The following PPIL6 variants were observed in gnomAD, a reference collection of about 807,000 sequenced individuals.
PPIL6 encodes peptidylprolyl isomerase like 6, also known as probable inactive peptidyl-prolyl cis-trans isomerase-like 6.
A neutral mutation model predicts 36.8 loss-of-function variants in PPIL6; 39 were observed. That is an observed-to-expected ratio of 1.06 (90% CI 0.82 to 1.38). The LOEUF is 1.38. PPIL6 is among the 40% of genes most tolerant of loss of function. The pLI is 0.00. For synonymous variants in PPIL6, 123 were observed against 134.1 expected (o/e 0.92, Z 0.57); for missense variants, 368 against 379.1 (o/e 0.97, Z 0.24).
intron 6 of PPIL6, among the ~76,000 whole-genome samples, chr6:109,401,530 C>G (rs1253539212): frequency 1.3e-5 from 2 of 152,116 alleles, no homozygotes; most frequent in African/African-American, 4.8e-5. Context: ...TAGTTACTTT[C>G]AGCCTGGTAA....
intron 7 of PPIL6, among the ~76,000 whole-genome samples, chr6:109,395,394 G>A (rs927162850): frequency 2.0e-5 from 3 of 150,862 alleles, no homozygotes; most frequent in South Asian, 2.1e-4. Flanking sequence ...GTGACAGAGT[G>A]AGACCCTGTC....
intron 2 of PPIL6, among the ~76,000 whole-genome samples, chr6:109,435,718 A>G (rs1774407675): frequency 6.6e-6 from 1 of 152,150 alleles, no homozygotes; most frequent in African/African-American, 2.4e-5. Context: ...TGAGCTCAGG[A>G]GTTTGAGACT....
At chr6:109,399,540 T>TTTA in intron 7 of PPIL6, among the ~76,000 whole-genome samples, 1 of 152,208 alleles carries the variant, frequency 6.6e-6, no homozygotes, top group East Asian at 1.9e-4. Context: ...GTGGCTGGAA[T>TTTA]TACAGGCACA....
rs769257444 is a variant in PPIL6, at chr6:109,400,163, G to T, written c.696C>A (p.Asn232Lys). 5 of 1,610,596 alleles carry T rather than the reference G, an allele frequency of 3.1e-6. No individual in the cohort carries two copies. The highest frequency in any genetic ancestry group is 4.2e-6 in the Non-Finnish European group (5 of 1,177,828). Residue 232 changes from asparagine (N) to lysine (K), a missense_variant, in exon 7 of 8, where the codon AAC (asparagine) becomes AAA (lysine). Coordinates refer to ENST00000521072, the MANE Select transcript of PPIL6 (RefSeq NM_173672.5). ...SIYGPTFEDENFSVPHNKRGV... is the reference protein window; with the variant it reads ...SIYGPTFEDEKFSVPHNKRGV... ...CTCTTTTATTATGAGGAACTGAAAA[G>T]TTTTCATCTAGGAAAGACAATAATC...
At chr6:109,438,103 G>A (rs1190021483) in intron 1 of PPIL6, among the ~76,000 whole-genome samples, 1 of 151,852 alleles carries the variant, frequency 6.6e-6, no homozygotes, top group African/African-American at 2.4e-5. Context: ...TATTTATGGG[G>A]TAGTGATGTC....
chr6:109,426,184 T>C (rs1237519868), intron 5 of PPIL6, among the ~76,000 whole-genome samples: 4 of 152,192 alleles, frequency 2.6e-5, no homozygotes, highest in Non-Finnish European at 2.9e-5. Context: ...CCAGATCATA[T>C]AAAAAATGGT....
At chr6:109,410,026 G>A (rs754786620) in intron 6 of PPIL6, among the ~76,000 whole-genome samples, 23 of 152,126 alleles carry the variant, frequency 1.5e-4, no homozygotes, top group Non-Finnish European at 1.5e-4. Context: ...CATCTGCCTC[G>A]TGTAGGGCCC....
chr6:109,392,704 G>A lies in PPIL6; in HGVS notation c.*122C>T, dbSNP rs1772139328. On this transcript the variant is annotated 3_prime_UTR_variant, in exon 8 of 8. Coordinates refer to ENST00000521072, the MANE Select transcript of PPIL6 (RefSeq NM_173672.5). ...TGGGGAGGGATTGGGTGTAGATGAG[G>A]CAACCTACAGTGTCTGCCACGGCTT... 1 of 622,788 alleles carries A rather than the reference G, an allele frequency of 1.6e-6. No individual in the cohort carries two copies. The highest frequency in any genetic ancestry group is 2.8e-6 in the Non-Finnish European group (1 of 358,750). The allele number at this position is 622,788 out of a possible 1,614,324, so 38.6% of individuals were successfully genotyped here.
chr6:109,402,019 G>A (rs1375502496), intron 6 of PPIL6, among the ~76,000 whole-genome samples: 4 of 151,676 alleles, frequency 2.6e-5, no homozygotes, highest in African/African-American at 4.8e-5. Flanking sequence ...CACCGCGCCC[G>A]GCCCAGATTC....
chr6:109,394,319 G>A (rs921554659), intron 7 of PPIL6, among the ~76,000 whole-genome samples: 3 of 147,576 alleles, frequency 2.0e-5, no homozygotes, highest in Admixed American at 1.4e-4. Context: ...GTTGCAGTGA[G>A]CTGAGTTTGC....
intron 5 of PPIL6, among the ~76,000 whole-genome samples, chr6:109,426,313 G>A (rs566545611): frequency 3.2e-4 from 49 of 152,162 alleles, no homozygotes; most frequent in African/African-American, 9.9e-4. Context: ...CCCAAAAGGC[G>A]CCCAATATTC....
In PPIL6 at chr6:109,408,271, T is replaced by A. The variant is rs552462503; in HGVS notation, c.689-8101A>T. Among the ~76,000 whole-genome samples, 205 of 152,360 alleles carry A rather than the reference T, an allele frequency of 1.3e-3. 1 individual carries two copies. The highest frequency in any genetic ancestry group is 2.5e-3 in the Non-Finnish European group (171 of 68,038). On this transcript the variant is annotated intron_variant, in intron 6 of 7. Coordinates refer to ENST00000521072, the MANE Select transcript of PPIL6 (RefSeq NM_173672.5). ...GTGTTGCTGTCAAAGAATATGATAA[T>A]CTAATTTTCTTTCCCTTATAAATCA...
intron 7 of PPIL6, among the ~76,000 whole-genome samples, chr6:109,395,147 C>T (rs1309218227): frequency 6.6e-6 from 1 of 152,174 alleles, no homozygotes; most frequent in Non-Finnish European, 1.5e-5. Context: ...TGGCTCACAC[C>T]TGTAATCCCA....
upstream of PPIL6, chr6:109,440,761 G>C (rs1774819167): frequency 2.7e-6 from 1 of 372,108 alleles, no homozygotes; most frequent in Non-Finnish European, 4.2e-6. Context: ...GCCGGCGCGC[G>C]GGCGGCCGCG....
intron 6 of PPIL6, among the ~76,000 whole-genome samples, chr6:109,407,340 C>T (rs565869985): frequency 2.6e-5 from 4 of 152,046 alleles, no homozygotes; most frequent in South Asian, 4.2e-4. Context: ...CCCGGGTTCA[C>T]GCCATTCTCC....
rs540715323 is a variant in PPIL6, at chr6:109,439,380, G to A, written c.135+1076C>T. Among the ~76,000 whole-genome samples, 678 of 152,138 alleles carry A rather than the reference G, an allele frequency of 4.5e-3. 7 individuals are homozygous for A. Among genetic ancestry groups the A allele is most frequent in the Admixed American group, 7.2e-3 (110 of 15,266 alleles). On this transcript the variant is annotated intron_variant, in intron 1 of 7. Coordinates refer to ENST00000521072, the MANE Select transcript of PPIL6 (RefSeq NM_173672.5). ...TTTTATTATTTATTTATTTTGAGAC[G>A]GGGTCTGGCTCTGTCGCCCAGGCTG...
chr6:109,421,117 C>T (rs1276771338), intron 5 of PPIL6, among the ~76,000 whole-genome samples: 2 of 152,194 alleles, frequency 1.3e-5, no homozygotes, highest in Middle Eastern at 3.2e-3. Flanking sequence ...CTTACCTACC[C>T]GTTGGTCACA....
intron 7 of PPIL6, among the ~76,000 whole-genome samples, chr6:109,395,455 C>T (rs1361027395): frequency 6.6e-6 from 1 of 151,818 alleles, no homozygotes; most frequent in Non-Finnish European, 1.5e-5. Flanking sequence ...CTTAGTCACA[C>T]TAGCCACATT....
At chr6:109,397,982 G>A (rs1278895841) in intron 7 of PPIL6, among the ~76,000 whole-genome samples, 1 of 151,076 alleles carries the variant, frequency 6.6e-6, no homozygotes, top group African/African-American at 2.4e-5. Flanking sequence ...ACCTCCCCCT[G>A]CTGGGTTCAA....
Sources: allele counts gnomAD v4.1 joint callset (sites outside exome capture counted in the v4.1 genomes callset), GRCh38; gene constraint gnomAD v4.1.1; transcripts MANE v1.5; gene names NCBI Gene and HGNC (gene_info 2026-07-23, HGNC 2026-07-21).